FAM135B: variants seen among roughly 807,000 people sequenced by gnomAD.
The protein encoded by FAM135B is protein FAM135B.
A neutral mutation model predicts 127.7 loss-of-function variants in FAM135B; 43 were observed. The observed-to-expected ratio is 0.34, with a 90% CI of 0.26 to 0.43. The LOEUF is 0.43. Among genes scored for constraint, FAM135B ranks in the 20% least tolerant of loss-of-function variants. The pLI, the probability that FAM135B is intolerant of heterozygous loss-of-function variation, is 1.00. For synonymous variants in FAM135B, 670 were observed against 665.1 expected, an observed-to-expected ratio of 1.01 and a Z score of -0.11; for missense variants, 1,558 against 1,725.6, an observed-to-expected ratio of 0.90 and a Z score of 1.72.
chr8:138,250,864 C>T lies in FAM135B; in HGVS notation c.519G>A (p.Val173=), dbSNP rs199561419. The change falls in exon 6 of 20, where the codon GTG becomes GTA. Residue 173 remains valine, a synonymous_variant. Coordinates refer to ENST00000395297, the MANE Select transcript of FAM135B (RefSeq NM_015912.4). ...VISVTVHAAL[V]ALQQPLISFT... ...ACCTGATCAATGGCTGCTGCAGAGCCACCAGGGCAGCATGGACGGTCACCG... is the reference window on the plus strand; with the variant it reads ...ACCTGATCAATGGCTGCTGCAGAGCTACCAGGGCAGCATGGACGGTCACCG... 2 of 1,613,880 alleles carry T rather than the reference C, an allele frequency of 1.2e-6. No individual in the cohort carries two copies. Among genetic ancestry groups the T allele is most frequent in the East Asian group, 4.5e-5 (2 of 44,854 alleles).
intron 12 of FAM135B, among the ~76,000 whole-genome samples, chr8:138,167,376 A>G (rs1156903255): frequency 6.6e-6 from 1 of 152,008 alleles, no homozygotes; most frequent in African/African-American, 2.4e-5. Flanking sequence ...TTGTATTTTT[A>G]GTAGAGATGG....
intron 1 of FAM135B, among the ~76,000 whole-genome samples, chr8:138,376,474 G>A (rs75777774): frequency 0.053 from 8,092 of 152,096 alleles, 426 homozygotes; most frequent in East Asian, 0.16. Flanking sequence ...GGCAGATCTC[G>A]AGCACCAAGA....
At position 138,146,012 on chromosome 8, in the gene FAM135B, C is replaced by G. The variant is rs267601783; in HGVS notation, c.3487G>C (p.Glu1163Gln). 1 of 1,610,940 alleles carries G rather than the reference C, an allele frequency of 6.2e-7. No individual in the cohort carries two copies. Among genetic ancestry groups the G allele is most frequent in the South Asian group, 1.1e-5 (1 of 90,998 alleles). ...ADLRLVKTFI[E>Q]LGLPGGKLDF... ...AGTTTTCCTCCAGGGAGCCCCAGTT[C>G]TATGAAAGTCTTTACCAGCCGGAGG... The change falls in exon 15 of 20, where the codon GAA becomes CAA. Residue 1163 changes from glutamate (E) to glutamine (Q), a missense_variant. Physicochemically the swap from Glu to Gln is conservative, Grantham distance 29. Coordinates refer to ENST00000395297, the MANE Select transcript of FAM135B (RefSeq NM_015912.4).
chr8:138,381,237 C>G (rs749984339), intron 1 of FAM135B, among the ~76,000 whole-genome samples: 1 of 152,108 alleles, frequency 6.6e-6, no homozygotes, highest in Non-Finnish European at 1.5e-5. Flanking sequence ...CACAAACAAA[C>G]CCTCTCAAAA....
chr8:138,211,253 A>G (rs1280937196), intron 7 of FAM135B, among the ~76,000 whole-genome samples: 2 of 152,234 alleles, frequency 1.3e-5, no homozygotes, highest in Admixed American at 1.3e-4. Flanking sequence ...CAGCAATCAT[A>G]GAAACCAAAA....
intron 6 of FAM135B, among the ~76,000 whole-genome samples, chr8:138,249,261 T>C (rs1361581060): frequency 2.0e-5 from 3 of 152,220 alleles, no homozygotes; most frequent in Non-Finnish European, 4.4e-5. Context: ...TAGTACTCTC[T>C]GTTGCTTTCT....
intron 2 of FAM135B, among the ~76,000 whole-genome samples, chr8:138,330,549 C>T (rs1828095709): frequency 6.6e-6 from 1 of 152,146 alleles, no homozygotes; most frequent in Non-Finnish European, 1.5e-5. Flanking sequence ...TGTGCTGCCG[C>T]CGAGTCCAGG....
Position 138,434,423 on chromosome 8 carries a change from T to TAA in FAM135B, c.-20+62246_-20+62247dup, listed in dbSNP as rs559264505. The stretch of plus-strand genomic sequence containing the variant: ...CCACTTTTCAAAGTCAAGGTGGGTG[T>TAA]AAGTGTTCCCATTATTTTATAGATG... On this transcript the variant is annotated intron_variant, in intron 1 of 19. Coordinates refer to ENST00000395297, the MANE Select transcript of FAM135B (RefSeq NM_015912.4). Among the ~76,000 whole-genome samples, 1,034 of 152,284 alleles carry TAA rather than the reference T, an allele frequency of 6.8e-3. 9 individuals carry two copies. The highest frequency in any genetic ancestry group is 0.044 in the Middle Eastern group (13 of 294).
In FAM135B at chr8:138,243,772, C is replaced by CT. The variant is rs1466625789; in HGVS notation, c.543-705dup. On this transcript the variant is annotated intron_variant, in intron 6 of 19. Transcript: ENST00000395297. The surrounding 1 kb of genome is among the most constrained non-coding windows in gnomAD (Gnocchi z 7.5). ...TGAGTTTATGATCATCTTCCTCTAT[C>CT]TTTACCTGTTTGATTTTCATCAATT... 1.3e-5 allele frequency among the ~76,000 whole-genome samples: 2 copies of CT among 152,222 alleles called. No homozygotes were observed. Among genetic ancestry groups the CT allele is most frequent in the East Asian group, 1.9e-4 (1 of 5,200 alleles).
chr8:138,256,794 G>A (rs1282430117), intron 4 of FAM135B, 35 bp from the exon 5 acceptor site: 2 of 1,535,962 alleles, frequency 1.3e-6, no homozygotes, highest in Admixed American at 1.7e-5. Flanking sequence ...GATTTCAGGA[G>A]TCAAATCTTG....
In FAM135B at chr8:138,243,094, GA is replaced by G; in HGVS notation, c.543-27del. On this transcript the variant is annotated intron_variant, in intron 6 of 19. Transcript: ENST00000395297. This position sits in a 1 kb window ranked among gnomAD's most constrained non-coding sequence, Gnocchi z 7.5. ...CTAAACAAAAGATAATTGAAAGGGTGAAAAAGGAGGTAAAGAAAGTGATGGT... is the reference window on the plus strand; with the variant it reads ...CTAAACAAAAGATAATTGAAAGGGTGAAAAGGAGGTAAAGAAAGTGATGGT... The G allele has an allele frequency of 1.3e-6, 2 of 1,592,370 alleles. No homozygotes were observed. The highest frequency in any genetic ancestry group is 1.7e-6 in the Non-Finnish European group (2 of 1,170,472).
chr8:138,412,721 C>T (rs1833932327), intron 1 of FAM135B, among the ~76,000 whole-genome samples: 1 of 152,108 alleles, frequency 6.6e-6, no homozygotes, highest in Admixed American at 6.6e-5. Flanking sequence ...ACATGATTTC[C>T]CCTTTCCTTT....
At chr8:138,336,762 C>T (rs947996840) in intron 2 of FAM135B, among the ~76,000 whole-genome samples, 10 of 152,148 alleles carry the variant, frequency 6.6e-5, no homozygotes, top group African/African-American at 2.4e-4. Context: ...TTTTATGAGG[C>T]CAGCATCATC....
At chr8:138,227,250 T>A (rs1315633787) in intron 7 of FAM135B, among the ~76,000 whole-genome samples, 1 of 152,174 alleles carries the variant, frequency 6.6e-6, no homozygotes, top group East Asian at 1.9e-4. Flanking sequence ...AAACCAATTA[T>A]CCTCTTTAAA....
chr8:138,234,868 A>G (rs540220066), intron 7 of FAM135B, among the ~76,000 whole-genome samples: 1 of 152,262 alleles, frequency 6.6e-6, no homozygotes, highest in Non-Finnish European at 1.5e-5. Flanking sequence ...TAATCAGGAG[A>G]CGATAATGAG....
At chr8:138,157,897 C>A (rs181716285) in intron 12 of FAM135B, among the ~76,000 whole-genome samples, 11 of 152,228 alleles carry the variant, frequency 7.2e-5, no homozygotes, top group South Asian at 6.2e-4. Flanking sequence ...AGATTCAATG[C>A]CACCCTCATC....
rs776841610 is a variant in FAM135B, at chr8:138,242,933, A to G, written c.669+9T>C. On this transcript the variant is annotated intron_variant, in intron 7 of 19. Transcript: ENST00000395297. The surrounding 1 kb of genome is among the most constrained non-coding windows in gnomAD (Gnocchi z 9.6). ...AAGTTTTGAAGCAACTGCCCCACAC[A>G]GGCCTTACCTCTGAGGAAGTCGGCT... 2.5e-6 allele frequency: 4 copies of G among 1,610,326 alleles called. No individual in the cohort carries two copies. In the African/African-American group the frequency reaches 4.0e-5, roughly 16 times the overall value.
chr8:138,293,728 T>C (rs1288713305), intron 3 of FAM135B, among the ~76,000 whole-genome samples: 1 of 152,136 alleles, frequency 6.6e-6, no homozygotes. Flanking sequence ...ATGAATATTA[T>C]TAAAAAGTCA....
intron 7 of FAM135B, among the ~76,000 whole-genome samples, chr8:138,230,258 G>T (rs1819812375): frequency 6.6e-6 from 1 of 152,108 alleles, no homozygotes; most frequent in Non-Finnish European, 1.5e-5. Flanking sequence ...ACATTCAAGG[G>T]GAGCAGCCCT....
Sources: gnomAD v4.1 joint callset for allele counts (sites outside exome capture counted in the v4.1 genomes callset) on GRCh38, gnomAD v4.1.1 for gene constraint, Gnocchi (gnomAD v3.1) non-coding constraint, MANE v1.5 for transcripts, NCBI Gene and HGNC (gene_info 2026-07-23, HGNC 2026-07-21) for gene names.